The following TM6SF2 variants were observed in gnomAD, a reference collection of about 807,000 sequenced individuals.
The protein encoded by TM6SF2 is transmembrane 6 superfamily member 2.
A neutral mutation model predicts 41.0 loss-of-function variants in TM6SF2; 29 were observed. That is an observed-to-expected ratio of 0.71 (90% CI 0.53 to 0.96). The LOEUF is 0.96. Among genes scored for constraint, TM6SF2 ranks in the 50% least tolerant of loss-of-function variants. The probability of loss-of-function intolerance (pLI) is 0.00; values close to 1 mark genes in which losing one functional copy is unlikely to be tolerated. For synonymous variants in TM6SF2, 200 were observed against 209.1 expected, an observed-to-expected ratio of 0.96 and a Z score of 0.37; for missense variants, 475 against 499.0, an observed-to-expected ratio of 0.95 and a Z score of 0.46.
chr19:19,268,813 T>A (rs1362419332), intron 5 of TM6SF2, 59 bp from the exon 6 acceptor site: 1 of 1,516,092 alleles, frequency 6.6e-7, no homozygotes, highest in East Asian at 2.6e-5. Context: ...GACATCTGTT[T>A]GTTTGTTTGT....
At chr19:19,272,713 G>GTC (rs2061028663) in intron 1 of TM6SF2, among the ~76,000 whole-genome samples, 1 of 147,702 alleles carries the variant, frequency 6.8e-6, no homozygotes, top group Non-Finnish European at 1.5e-5. Context: ...GTGTGTGTGT[G>GTC]TGTGTGTGTG....
Position 19,264,915 on chromosome 19 carries a change from G to A in TM6SF2, c.925-42C>T, listed in dbSNP as rs368179739. Reference sequence around the variant, plus strand: ...GAAGATGGATGTCAGGGGCCAGGAAGGAACTGAAATCCCAGCATCACCGAC... The same window carrying A: ...GAAGATGGATGTCAGGGGCCAGGAAAGAACTGAAATCCCAGCATCACCGAC... On this transcript the variant is annotated intron_variant, in intron 9 of 9. Transcript: ENST00000389363. 4 of 1,433,528 alleles carry A rather than the reference G, an allele frequency of 2.8e-6. No individual in the cohort carries two copies. The African/African-American group carries it at 5.8e-5, about 21-fold the overall frequency. 88.8% of individuals were successfully genotyped at this position (1,433,528 alleles called of 1,614,324 possible). A position where few individuals can be genotyped will look rare whatever the true frequency, so the allele number is the denominator to read the frequency against.
intron 1 of TM6SF2, 143 bp downstream of exon 1, chr19:19,272,978 G>T (rs554147023): frequency 2.9e-5 from 16 of 558,960 alleles, no homozygotes; most frequent in African/African-American, 2.8e-4. Context: ...CAATCCTGCC[G>T]GGTCGGAGCT....
intron 1 of TM6SF2, 60 bp downstream of exon 1, chr19:19,273,061 T>TTTG: frequency 9.8e-6 from 3 of 305,470 alleles, no homozygotes; most frequent in Non-Finnish European, 1.8e-5. Context: ...CCTCCAGTCC[T>TTTG]CCCCGCCCCC....
chr19:19,271,522 C>A (rs1011544775), intron 1 of TM6SF2, among the ~76,000 whole-genome samples: 1 of 150,494 alleles, frequency 6.6e-6, no homozygotes, highest in Non-Finnish European at 1.5e-5. Flanking sequence ...TTTTCTTTTT[C>A]TTTCTTTCTC....
rs780590671 is a variant in TM6SF2 at position 19,270,406 on chromosome 19, A to C, written c.236T>G (p.Leu79Arg). 1.2e-6 allele frequency: 2 copies of C among 1,613,180 alleles called. No homozygotes were observed. Among genetic ancestry groups the C allele is most frequent in the East Asian group, 4.5e-5 (2 of 44,874 alleles). ...AVFAFTSVVD[L>R]IIALQEDSYV... Reference sequence around the variant, plus strand: ...GCTGTCTTCCTGAAGAGCGATGATGAGGTCCACAACCGAGGTGAAGGCGAA... The same window carrying C: ...GCTGTCTTCCTGAAGAGCGATGATGCGGTCCACAACCGAGGTGAAGGCGAA... Residue 79 changes from leucine to arginine, a missense_variant, in exon 3 of 10, where the codon CTC (leucine) becomes CGC (arginine). Around this residue, in one of 3 missense-constraint regions of TM6SF2, gnomAD observed 238 missense variants for 228.6 expected, o/e 1.04. Transcript: ENST00000389363.
intron 1 of TM6SF2, among the ~76,000 whole-genome samples, chr19:19,272,448 C>T (rs1321353558): frequency 6.6e-6 from 1 of 152,192 alleles, no homozygotes; most frequent in Admixed American, 6.5e-5. Flanking sequence ...TGGGTATTCC[C>T]ACCCAGGGAG....
chr19:19,268,630 C>T lies in TM6SF2; in HGVS notation c.609G>A (p.Met203Ile). 1 of 1,581,096 alleles carries T rather than the reference C, an allele frequency of 6.3e-7. No individual in the cohort carries two copies. Among genetic ancestry groups the T allele is most frequent in the Non-Finnish European group, 8.5e-7 (1 of 1,169,704 alleles). Residue 203 changes from methionine (M) to isoleucine (I), a missense_variant and splice_region_variant, in exon 6 of 10, where the codon ATG becomes ATA. This residue lies in a region of TM6SF2 where 47 missense variants were observed against 80.3 expected (regional missense o/e 0.59). Coordinates refer to ENST00000389363, the MANE Select transcript of TM6SF2 (RefSeq NM_001001524.3). Reference sequence around the variant, plus strand: ...GGCCTAAGAGGGGTAAGGCACTCACCATGTTGGCGGTGCAGCGGGTTAGCG... The same window carrying T: ...GGCCTAAGAGGGGTAAGGCACTCACTATGTTGGCGGTGCAGCGGGTTAGCG... ...PRALTRCTAN[M>I]VQEEQRKGLL...
chr19:19,270,542 A>C, intron 2 of TM6SF2, 100 bp from the exon 3 acceptor site: 1 of 1,415,634 alleles, frequency 7.1e-7, no homozygotes, highest in Non-Finnish European at 9.5e-7. Context: ...GTCAGGGATG[A>C]GATTATTCCA....
intron 8 of TM6SF2, chr19:19,266,866 C>T: frequency 2.4e-6 from 1 of 419,874 alleles, no homozygotes; most frequent in Non-Finnish European, 4.4e-6. Context: ...CATTCCAGCC[C>T]CCTGTCCATG....
intron 7 of TM6SF2, 53 bp from the exon 8 acceptor site, chr19:19,267,766 C>T (rs1378585308): frequency 6.6e-6 from 10 of 1,522,680 alleles, no homozygotes; most frequent in Non-Finnish European, 9.0e-6. Flanking sequence ...CACAGGAAGC[C>T]TCCCCCACCC....
At chr19:19,271,995 C>A (rs1437254721) in intron 1 of TM6SF2, among the ~76,000 whole-genome samples, 2 of 152,194 alleles carry the variant, frequency 1.3e-5, no homozygotes, top group African/African-American at 2.4e-5. Flanking sequence ...GCTCCCAGCT[C>A]CTCCCAGCTA....
At position 19,270,397 on chromosome 19, in the gene TM6SF2, G is replaced by A. The variant is rs1302901536; in HGVS notation, c.245C>T (p.Ala82Val). ...AFTSVVDLII[A>V]LQEDSYVVGF... ...CACCACATAGCTGTCTTCCTGAAGA[G>A]CGATGATGAGGTCCACAACCGAGGT... Residue 82 changes from alanine (A) to valine (V), a missense_variant, in exon 3 of 10, where the codon GCT becomes GTT. This residue lies in a region of TM6SF2 where 238 missense variants were observed against 228.6 expected (regional missense o/e 1.04). Coordinates refer to ENST00000389363, the MANE Select transcript of TM6SF2 (RefSeq NM_001001524.3). The A allele has an allele frequency of 1.2e-6, 2 of 1,613,986 alleles. No homozygotes were observed. Among genetic ancestry groups the A allele is most frequent in the South Asian group, 1.1e-5 (1 of 91,084 alleles).
chr19:19,271,218 GC>G, intron 1 of TM6SF2, 93 bp from the exon 2 acceptor site: 2 of 995,824 alleles, frequency 2.0e-6, no homozygotes, highest in Non-Finnish European at 3.2e-6. Context: ...ACTCCTGGAA[GC>G]CCCAGGGGAA....
At chr19:19,273,058 T>TCCAAGC in intron 1 of TM6SF2, 63 bp downstream of exon 1, 2 of 470,242 alleles carry the variant, frequency 4.3e-6, no homozygotes, top group East Asian at 4.1e-5. Flanking sequence ...CCACCTCCAG[T>TCCAAGC]CCTCCCCGCC....
In TM6SF2 at chr19:19,271,103, T is replaced by C. The variant is rs760443439; in HGVS notation, c.118A>G (p.Ser40Gly). 1 of 1,614,072 alleles carries C rather than the reference T, an allele frequency of 6.2e-7. No individual in the cohort carries two copies. Among genetic ancestry groups the C allele is most frequent in the Non-Finnish European group, 8.5e-7 (1 of 1,179,996 alleles). Reference protein sequence around the residue: ...LSHPLWVALMSALILGLLFVA... With the variant: ...LSHPLWVALMGALILGLLFVA... ...AAAAGCAGACCCAGGATTAGGGCGCTCATCAATGCCACCCACAGGGGGCTG... is the reference window on the plus strand; with the variant it reads ...AAAAGCAGACCCAGGATTAGGGCGCCCATCAATGCCACCCACAGGGGGCTG... Residue 40 changes from serine to glycine, a missense_variant, in exon 2 of 10, where the codon AGC becomes GGC. Around this residue, in one of 3 missense-constraint regions of TM6SF2, gnomAD observed 238 missense variants for 228.6 expected, o/e 1.04. Coordinates refer to ENST00000389363, the MANE Select transcript of TM6SF2 (RefSeq NM_001001524.3).
rs900170218 is a variant in TM6SF2, at chr19:19,273,223, G to T, written c.-8C>A. 2 of 1,405,878 alleles carry T rather than the reference G, an allele frequency of 1.4e-6. No individual in the cohort carries two copies. The highest frequency in any genetic ancestry group is 3.0e-5 in the African/African-American group (2 of 66,746). 87.1% of individuals were successfully genotyped at this position (1,405,878 alleles called of 1,614,324 possible). ...CAGCGGCGGGATGTCCATAGCGGCGGCTGCTGGACCCCGGCTCAGCCCCGA... is the reference window on the plus strand; with the variant it reads ...CAGCGGCGGGATGTCCATAGCGGCGTCTGCTGGACCCCGGCTCAGCCCCGA... On this transcript the variant is annotated 5_prime_UTR_variant, in exon 1 of 10. Coordinates refer to ENST00000389363, the MANE Select transcript of TM6SF2 (RefSeq NM_001001524.3).
intron 1 of TM6SF2, among the ~76,000 whole-genome samples, chr19:19,271,514 TTC>T (rs2061024017): frequency 6.9e-6 from 1 of 145,942 alleles, no homozygotes; most frequent in Non-Finnish European, 1.5e-5. Context: ...CTTTCTTTTT[TTC>T]TTTTTCTTTC....
rs761921380 is a variant in TM6SF2 at position 19,270,284 on chromosome 19, G to T, written c.298-8C>A. ...GCGCAGGTATGGCTCTCCCTGTGGG[G>T]GCAGGTGGGAGACTCAGACGGGCAG... On this transcript the variant is annotated splice_polypyrimidine_tract_variant and splice_region_variant and intron_variant, in intron 3 of 9. Transcript: ENST00000389363. 6.2e-7 allele frequency: 1 copy of T among 1,614,114 alleles called. No homozygotes were observed. The highest frequency in any genetic ancestry group is 1.3e-5 in the African/African-American group (1 of 74,960).
Sources: allele counts gnomAD v4.1 joint callset (sites outside exome capture counted in the v4.1 genomes callset), GRCh38; gene constraint gnomAD v4.1.1; regional missense constraint gnomAD v4.1.1; transcripts MANE v1.5; gene names NCBI Gene and HGNC (gene_info 2026-07-23, HGNC 2026-07-21).